The following ZNF623 variants were observed in gnomAD, a reference collection of about 807,000 sequenced individuals.
ZNF623 encodes zinc finger protein 623.
Under a neutral mutation model 24.0 loss-of-function variants are expected in ZNF623, and 16 were observed. That is an observed-to-expected ratio of 0.67 (90% CI 0.45 to 1.01). The LOEUF is 1.01. Among genes scored for constraint, ZNF623 ranks in the 50% least tolerant of loss-of-function variants. ZNF623 has a pLI of 0.00. For missense variants in ZNF623, 566 were observed against 606.5 expected (o/e 0.93, Z 0.70); for synonymous variants, 224 against 219.8 (o/e 1.02, Z -0.17).
In ZNF623 at chr8:143,650,814, C is replaced by T. The variant is rs141836170; in HGVS notation, c.822C>T (p.Thr274=). ...TTATTGAACACCAGAGAATTCACAC[C>T]GGAGAGAGACCCTTTGAATGCAATG... ...SDLIEHQRIH[T]GERPFECNEC... Residue 274 remains threonine, a synonymous_variant, in exon 2 of 2, where the codon ACC becomes ACT. Transcript: ENST00000526926. This position sits in a 1 kb window ranked among gnomAD's most constrained non-coding sequence, Gnocchi z 5.2. The T allele has an allele frequency of 1.4e-5, 23 of 1,613,924 alleles. No individual in the cohort carries two copies. The highest frequency in any genetic ancestry group is 1.6e-4 in the Middle Eastern group (1 of 6,082).
In ZNF623 at chr8:143,642,844, G is replaced by C. The variant is rs569648644; in HGVS notation, c.-96+6699G>C. On this transcript the variant is annotated intron_variant, in intron 1 of 1. Coordinates refer to ENST00000526926, the MANE Select transcript of ZNF623 (RefSeq NM_001261843.2). ...ATTCCTGTTACCTGCCGGGCACCTGGCATGGGTGTGGAGGGCAGAGTTCTG... is the reference window on the plus strand; with the variant it reads ...ATTCCTGTTACCTGCCGGGCACCTGCCATGGGTGTGGAGGGCAGAGTTCTG... Among the ~76,000 whole-genome samples, 9 of 152,268 alleles carry C rather than the reference G, an allele frequency of 5.9e-5. 2 individuals are homozygous for C. Among genetic ancestry groups the C allele is most frequent in the South Asian group, 4.1e-4 (2 of 4,822 alleles).
chr8:143,643,994 A>G (rs1374266537), intron 1 of ZNF623, among the ~76,000 whole-genome samples: 1 of 152,118 alleles, frequency 6.6e-6, no homozygotes, highest in African/African-American at 2.4e-5. Flanking sequence ...CTGCCAGTGC[A>G]TCCCACGTCA....
At chr8:143,638,733 C>T (rs563502885) in intron 1 of ZNF623, among the ~76,000 whole-genome samples, 5 of 150,750 alleles carry the variant, frequency 3.3e-5, no homozygotes, top group Non-Finnish European at 5.9e-5. Flanking sequence ...CCAGCCTGGG[C>T]GACAGAGTGA....
At chr8:143,636,632 C>A (rs1814930717) in intron 1 of ZNF623, among the ~76,000 whole-genome samples, 1 of 152,136 alleles carries the variant, frequency 6.6e-6, no homozygotes, top group Non-Finnish European at 1.5e-5. Flanking sequence ...CCTCTCGGTG[C>A]TGGAGGAGAT....
In ZNF623 at chr8:143,650,181, C is replaced by T. The variant is rs1323842944; in HGVS notation, c.189C>T (p.Asn63=). The change falls in exon 2 of 2, where the codon AAC becomes AAT. Residue 63 remains asparagine, a synonymous_variant. Coordinates refer to ENST00000526926, the MANE Select transcript of ZNF623 (RefSeq NM_001261843.2). This position sits in a 1 kb window ranked among gnomAD's most constrained non-coding sequence, Gnocchi z 5.2. ...TAQVCTKSGR[N]HILNSDLLLL... is the part of the protein sequence containing the mutation. ...AAGTGTGCACCAAGTCAGGAAGAAACCATATTCTGAACTCAGACCTTCTTC... is the reference window on the plus strand; with the variant it reads ...AAGTGTGCACCAAGTCAGGAAGAAATCATATTCTGAACTCAGACCTTCTTC... The T allele has an allele frequency of 2.5e-6, 4 of 1,614,218 alleles. No homozygotes were observed. The highest frequency in any genetic ancestry group is 3.4e-6 in the Non-Finnish European group (4 of 1,180,040).
intron 1 of ZNF623, among the ~76,000 whole-genome samples, chr8:143,640,227 A>T (rs1416261797): frequency 6.6e-6 from 1 of 152,254 alleles, no homozygotes; most frequent in Non-Finnish European, 1.5e-5. Flanking sequence ...ATGTCTAAAA[A>T]TGTAAATAAT....
chr8:143,649,419 C>T (rs952165921), intron 1 of ZNF623, among the ~76,000 whole-genome samples: 1 of 152,076 alleles, frequency 6.6e-6, no homozygotes, highest in Admixed American at 6.6e-5. Context: ...CGATTCTGTG[C>T]AGGAGGGTGA....
At chr8:143,638,635 G>C (rs887602346) in intron 1 of ZNF623, among the ~76,000 whole-genome samples, 12 of 151,746 alleles carry the variant, frequency 7.9e-5, no homozygotes, top group Admixed American at 7.9e-4. Context: ...CTACTTGGGA[G>C]GCTGAGGCAG....
In ZNF623 at chr8:143,644,812, G is replaced by T. The variant is rs1035691679; in HGVS notation, c.-95-5086G>T. 3.8e-5 allele frequency among the ~76,000 whole-genome samples: 5 copies of T among 131,612 alleles called. No individual in the cohort carries two copies. The Admixed American group carries it at 4.3e-4, about 11-fold the overall frequency. The allele number at this position is 131,612 out of a possible 152,430, so 86.3% of individuals were successfully genotyped here. ...GCCACCATGCAATCAGCCTGTGCGA[G>T]AGAGCAAGACTATCTTTAAAAAAAA... is the stretch of plus-strand genomic sequence containing the variant. On this transcript the variant is annotated intron_variant, in intron 1 of 1. Coordinates refer to ENST00000526926, the MANE Select transcript of ZNF623 (RefSeq NM_001261843.2).
chr8:143,636,672 G>A (rs1448769153), intron 1 of ZNF623, among the ~76,000 whole-genome samples: 2 of 152,238 alleles, frequency 1.3e-5, no homozygotes, highest in East Asian at 3.8e-4. Flanking sequence ...TGCTGTTGGG[G>A]ATAGGGGTGG....
At position 143,650,555 on chromosome 8, in the gene ZNF623, T is replaced by C; in HGVS notation, c.563T>C (p.Val188Ala). The change falls in exon 2 of 2, where the codon GTT becomes GCT. Residue 188 changes from valine (V) to alanine (A), a missense_variant. Val to Ala is a moderately conservative substitution (Grantham distance 64). Transcript: ENST00000526926. This position sits in a 1 kb window ranked among gnomAD's most constrained non-coding sequence, Gnocchi z 5.2. ...HSSDLIRHQR[V>A]HTRERPFECK... ...TCAGACCTGATTAGGCACCAGAGAG[T>C]TCACACCAGAGAGAGACCTTTTGAA... 1 of 1,613,982 alleles carries C rather than the reference T, an allele frequency of 6.2e-7. No individual in the cohort carries two copies. The highest frequency in any genetic ancestry group is 1.1e-5 in the South Asian group (1 of 91,078).
At chr8:143,649,638 C>T (rs79493889) in intron 1 of ZNF623, 2 of 504,156 alleles carry the variant, frequency 4.0e-6, no homozygotes, top group Admixed American at 3.6e-5. Flanking sequence ...CCAGGATTCA[C>T]TAATGGTCAG....
At chr8:143,649,044 G>A (rs9650468) in intron 1 of ZNF623, among the ~76,000 whole-genome samples, 2 of 151,856 alleles carry the variant, frequency 1.3e-5, no homozygotes, top group South Asian at 2.1e-4. Flanking sequence ...TTGGGAGGCC[G>A]AGGCGGGCAG....
At chr8:143,641,086 C>T (rs879090387) in intron 1 of ZNF623, among the ~76,000 whole-genome samples, 3 of 152,084 alleles carry the variant, frequency 2.0e-5, no homozygotes, top group Admixed American at 6.6e-5. Flanking sequence ...ATAGTTGCTT[C>T]CTCCACTGAA....
intron 1 of ZNF623, among the ~76,000 whole-genome samples, chr8:143,643,081 C>G (rs1263504099): frequency 6.6e-6 from 1 of 152,192 alleles, no homozygotes; most frequent in African/African-American, 2.4e-5. Context: ...AGAACAGAGG[C>G]TGAGATTAGA....
At chr8:143,639,823 G>C (rs1306118728) in intron 1 of ZNF623, among the ~76,000 whole-genome samples, 2 of 152,190 alleles carry the variant, frequency 1.3e-5, no homozygotes, top group Admixed American at 6.6e-5. Context: ...GGCCTCCAGG[G>C]ACTCTGGCTG....
chr8:143,652,380 A>G lies in ZNF623; in HGVS notation c.*897A>G, dbSNP rs1386729545. 3 of 167,090 alleles carry G rather than the reference A, an allele frequency of 1.8e-5. No homozygotes were observed. Among genetic ancestry groups the G allele is most frequent in the African/African-American group, 4.8e-5 (2 of 41,522 alleles). 10.4% of individuals were successfully genotyped at this position (167,090 alleles called of 1,614,324 possible). Reference sequence around the variant, plus strand: ...CAATAAAAAATACACCCCTAAATCTATGTGTAATTGGCATCTCTCTTGCTT... The same window carrying G: ...CAATAAAAAATACACCCCTAAATCTGTGTGTAATTGGCATCTCTCTTGCTT... On this transcript the variant is annotated 3_prime_UTR_variant, in exon 2 of 2. Coordinates refer to ENST00000526926, the MANE Select transcript of ZNF623 (RefSeq NM_001261843.2).
In ZNF623 at chr8:143,650,714, A is replaced by G. The variant is rs773146725; in HGVS notation, c.722A>G (p.His241Arg). The change falls in exon 2 of 2, where the codon CAT (histidine) becomes CGT (arginine). Residue 241 changes from histidine (H) to arginine (R), a missense_variant. His to Arg is a conservative substitution (Grantham distance 29). Around this residue, in one of 3 missense-constraint regions of ZNF623, gnomAD observed 313 missense variants for 300.4 expected, o/e 1.04. Transcript: ENST00000526926. This position sits in a 1 kb window ranked among gnomAD's most constrained non-coding sequence, Gnocchi z 5.2. Reference sequence around the variant, plus strand: ...ATAAGGAGCTCGAGCCTCATTCGCCATTATCAGATCCACACAGAAGTGAAA... The same window carrying G: ...ATAAGGAGCTCGAGCCTCATTCGCCGTTATCAGATCCACACAGAAGTGAAA... ...SFIRSSSLIR[H>R]YQIHTEVKQY... 6.2e-7 allele frequency: 1 copy of G among 1,613,964 alleles called. No homozygotes were observed.
At position 143,636,603 on chromosome 8, in the gene ZNF623, G is replaced by A. The variant is rs193148168; in HGVS notation, c.-96+458G>A. The stretch of plus-strand genomic sequence containing the variant: ...GCGGCTGTGCCTGAACCCTGCCTCC[G>A]CTCCCTGGGGCCTCGAGGCCTCTCG... On this transcript the variant is annotated intron_variant, in intron 1 of 1. Transcript: ENST00000526926. Among the ~76,000 whole-genome samples, 23 of 152,256 alleles carry A rather than the reference G, an allele frequency of 1.5e-4. No individual in the cohort carries two copies. In the East Asian group the frequency reaches 4.3e-3, roughly 28 times the overall value.
Sources: gnomAD v4.1 joint callset for allele counts (sites outside exome capture counted in the v4.1 genomes callset) on GRCh38, gnomAD v4.1.1 for gene constraint, gnomAD v4.1.1 regional missense constraint, Gnocchi (gnomAD v3.1) non-coding constraint, MANE v1.5 for transcripts, NCBI Gene and HGNC (gene_info 2026-07-23, HGNC 2026-07-21) for gene names.